Variants in NAALAD2 observed in about 807,000 individuals in gnomAD.
NAALAD2 encodes N-acetylated alpha-linked acidic dipeptidase 2, also known as N-acetylated-alpha-linked acidic dipeptidase 2.
In NAALAD2, 89 loss-of-function variants were observed where a neutral mutation model predicts 95.6. The ratio of observed to expected loss-of-function variants is 0.93; its 90% confidence interval spans 0.78 to 1.11. The LOEUF (loss-of-function observed/expected upper bound fraction) is 1.11. NAALAD2 is among the 50% of genes least tolerant of loss of function. The probability of loss-of-function intolerance (pLI) is 0.00; values close to 1 mark genes in which losing one functional copy is unlikely to be tolerated. For synonymous variants in NAALAD2, 264 were observed against 294.4 expected (o/e 0.90, Z 1.06); for missense variants, 894 against 872.4 (o/e 1.02, Z -0.31).
chr11:90,163,451 G>C (rs754460360), intron 10 of NAALAD2, 22 bp downstream of exon 10: 16 of 1,613,172 alleles, frequency 9.9e-6, no homozygotes, highest in Middle Eastern at 1.6e-4. Context: ...TTCTTTCCTA[G>C]GTGATGACAA....
intron 17 of NAALAD2, among the ~76,000 whole-genome samples, chr11:90,182,442 G>GT (rs1953001368): frequency 6.6e-6 from 1 of 152,136 alleles, no homozygotes; most frequent in Non-Finnish European, 1.5e-5. Context: ...GATAGTCTGA[G>GT]TGTGACAAGG....
At chr11:90,170,296 G>A (rs1352565259) in intron 13 of NAALAD2, among the ~76,000 whole-genome samples, 160 bp downstream of exon 13, 1 of 152,146 alleles carries the variant, frequency 6.6e-6, no homozygotes, top group African/African-American at 2.4e-5. Flanking sequence ...TTACCTATAT[G>A]ACATAACTAA....
intron 16 of NAALAD2, among the ~76,000 whole-genome samples, chr11:90,180,817 C>A (rs1017792260): frequency 2.4e-4 from 36 of 151,878 alleles, no homozygotes; most frequent in Middle Eastern, 3.4e-3. Flanking sequence ...GAAAAAAAAA[C>A]CCATTAAGTT....
intron 2 of NAALAD2, among the ~76,000 whole-genome samples, chr11:90,138,397 T>A (rs758141213): frequency 1.3e-5 from 2 of 152,150 alleles, no homozygotes; most frequent in African/African-American, 4.8e-5. Context: ...ACATCATGTA[T>A]GTTTTTTGCT....
chr11:90,157,408 A>G (rs1303867909), intron 6 of NAALAD2, among the ~76,000 whole-genome samples: 2 of 152,174 alleles, frequency 1.3e-5, no homozygotes, highest in Non-Finnish European at 2.9e-5. Flanking sequence ...TCTTCCTTGA[A>G]TGATAATATA....
chr11:90,174,383 C>T (rs1241016860), intron 14 of NAALAD2, among the ~76,000 whole-genome samples: 3 of 151,778 alleles, frequency 2.0e-5, no homozygotes, highest in Non-Finnish European at 2.9e-5. Flanking sequence ...TGCTGATTAG[C>T]CAGCATGTGA....
chr11:90,150,343 T>A, intron 4 of NAALAD2, 139 bp from the exon 5 acceptor site: 1 of 431,418 alleles, frequency 2.3e-6, no homozygotes, highest in Non-Finnish European at 4.1e-6. Flanking sequence ...TTCTGCATAA[T>A]TACTGTGGGT....
intron 12 of NAALAD2, chr11:90,169,215 A>G: frequency 2.6e-6 from 1 of 391,110 alleles, no homozygotes; most frequent in Non-Finnish European, 4.5e-6. Flanking sequence ...TTCATAACTA[A>G]GCTATTGCTT....
chr11:90,147,516 G>T lies in NAALAD2; in HGVS notation c.381G>T (p.Glu127Asp). Residue 127 changes from glutamate to aspartate, a missense_variant and splice_region_variant, in exon 3 of 19, where the codon GAG becomes GAT. Transcript: ENST00000534061. Reference protein sequence around the residue: ...YISIVDEHETEIFKTSYLEPP... With the variant: ...YISIVDEHETDIFKTSYLEPP... ...CGATTGTGGATGAACATGAAACTGA[G>T]GTATGTGAAATTGTTGGTACTTTTT... The T allele has an allele frequency of 1.9e-6, 3 of 1,595,190 alleles. No individual in the cohort carries two copies. Among genetic ancestry groups the T allele is most frequent in the Non-Finnish European group, 2.6e-6 (3 of 1,169,780 alleles).
rs1223829410 is a variant in NAALAD2, at chr11:90,191,558, G to A, written c.2034G>A (p.Arg678=). Residue 678 remains arginine, a splice_region_variant and synonymous_variant, in exon 19 of 19, where the codon AGG becomes AGA. Coordinates refer to ENST00000534061, the MANE Select transcript of NAALAD2 (RefSeq NM_005467.4). ...ATTTGCCTTGTTTTCTTCCTTTTAGGCACATCATATTTGCTCCAAGTAGCC... is the reference window on the plus strand; with the variant it reads ...ATTTGCCTTGTTTTCTTCCTTTTAGACACATCATATTTGCTCCAAGTAGCC... The part of the protein sequence containing the change: ...PLGLPGKLFY[R]HIIFAPSSHN... 2.5e-6 allele frequency: 4 copies of A among 1,569,518 alleles called. No individual in the cohort carries two copies. The Admixed American group carries it at 5.6e-5, about 22-fold the overall frequency.
At chr11:90,141,627 G>T (rs1295745597) in intron 2 of NAALAD2, among the ~76,000 whole-genome samples, 2 of 151,786 alleles carry the variant, frequency 1.3e-5, no homozygotes, top group Admixed American at 1.3e-4. Flanking sequence ...TTTTGGGGGG[G>T]TTTTCTGAGA....
chr11:90,176,345 G>A (rs1373039036), intron 15 of NAALAD2, among the ~76,000 whole-genome samples: 2 of 152,130 alleles, frequency 1.3e-5, no homozygotes, highest in Non-Finnish European at 2.9e-5. Flanking sequence ...TCCTTTTCCT[G>A]ATTTGTCAGA....
intron 6 of NAALAD2, among the ~76,000 whole-genome samples, chr11:90,155,842 ATG>A (rs1398907706): frequency 2.0e-5 from 2 of 98,246 alleles, no homozygotes; most frequent in Non-Finnish European, 3.6e-5. Context: ...TGTAATATAT[ATG>A]TTATATATAT....
At chr11:90,176,741 A>G (rs1403865711) in intron 15 of NAALAD2, among the ~76,000 whole-genome samples, 1 of 152,162 alleles carries the variant, frequency 6.6e-6, no homozygotes, top group Non-Finnish European at 1.5e-5. Flanking sequence ...ATTTTAATCA[A>G]TCTTCAAATC....
At chr11:90,189,769 C>CA (rs35142682) in intron 18 of NAALAD2, among the ~76,000 whole-genome samples, 16,692 of 140,570 alleles carry the variant, frequency 0.12, 1,007 homozygotes, top group South Asian at 0.18. Context: ...GACTCTATCT[C>CA]AAAAAAAAAA....
intron 3 of NAALAD2, 24 bp downstream of exon 3, chr11:90,147,540 T>C (rs1324737700): frequency 2.1e-5 from 33 of 1,580,354 alleles, no homozygotes; most frequent in Non-Finnish European, 2.8e-5. Context: ...TTGGTACTTT[T>C]TATATTTTGC....
intron 8 of NAALAD2, 61 bp from the exon 9 acceptor site, chr11:90,162,887 AT>A: frequency 1.0e-6 from 1 of 959,354 alleles, no homozygotes; most frequent in Admixed American, 2.4e-5. Flanking sequence ...GTTTTTTATA[AT>A]AAAACACTGT....
chr11:90,185,520 A>G (rs550606509), intron 18 of NAALAD2, among the ~76,000 whole-genome samples: 6 of 152,064 alleles, frequency 3.9e-5, no homozygotes, highest in Non-Finnish European at 7.4e-5. Flanking sequence ...AAAATTTTTT[A>G]AAGTAGCTGG....
intron 13 of NAALAD2, among the ~76,000 whole-genome samples, chr11:90,173,353 T>C (rs553125018): frequency 5.3e-5 from 8 of 152,306 alleles, no homozygotes; most frequent in African/African-American, 9.6e-5. Context: ...CCAAGACTTA[T>C]AGGTTAAGAA....
Sources: gnomAD v4.1 joint callset for allele counts (sites outside exome capture counted in the v4.1 genomes callset) on GRCh38, gnomAD v4.1.1 for gene constraint, MANE v1.5 for transcripts, NCBI Gene and HGNC (gene_info 2026-07-23, HGNC 2026-07-21) for gene names.